Variants in CRTC1 observed in about 807,000 individuals in gnomAD.
CRTC1 encodes CREB-regulated transcription coactivator 1.
CRTC1 carries 18 observed loss-of-function variants against 66.1 expected under a neutral mutation model. That is an observed-to-expected ratio of 0.27 (90% CI 0.19 to 0.40). The LOEUF (loss-of-function observed/expected upper bound fraction) is 0.40, where lower values mean the gene tolerates loss of function less well. Ranked by LOEUF, CRTC1 falls within the 10% of genes least tolerant of loss-of-function variation. The pLI is 1.00. For synonymous variants in CRTC1, 416 were observed against 398.8 expected (o/e 1.04, Z -0.51); for missense variants, 669 against 887.9 (o/e 0.75, Z 3.13).
At chr19:18,697,010 T>C (rs1159078734) in intron 1 of CRTC1, among the ~76,000 whole-genome samples, 1 of 151,980 alleles carries the variant, frequency 6.6e-6, no homozygotes, top group Admixed American at 6.6e-5. Context: ...TTGGGGTATG[T>C]CTCTGACCTC....
chr19:18,775,019 T>G, intron 12 of CRTC1, 33 bp downstream of exon 12: 3 of 1,587,080 alleles, frequency 1.9e-6, no homozygotes, highest in African/African-American at 1.3e-5. Flanking sequence ...AGCCGGCCGG[T>G]GCCCAGGACA....
At position 18,683,833 on chromosome 19, in the gene CRTC1, G is replaced by A. The variant is rs1402696737; in HGVS notation, c.126+5G>A. ...AGCCTGACGCGGGCCGCGCGGGTAAGGGGGCTGCCCGCGCCGACCCTTCAG... is the reference window on the plus strand; with the variant it reads ...AGCCTGACGCGGGCCGCGCGGGTAAAGGGGCTGCCCGCGCCGACCCTTCAG... On this transcript the variant is annotated splice_donor_5th_base_variant and intron_variant, in intron 1 of 13. Transcript: ENST00000321949. The A allele has an allele frequency of 3.9e-6, 5 of 1,268,640 alleles. No homozygotes were observed. The highest frequency in any genetic ancestry group is 5.5e-5 in the Admixed American group (2 of 36,630). 78.6% of individuals were successfully genotyped at this position (1,268,640 alleles called of 1,614,324 possible). A position where few individuals can be genotyped will look rare whatever the true frequency, so the allele number is the denominator to read the frequency against.
intron 11 of CRTC1, among the ~76,000 whole-genome samples, chr19:18,773,535 C>G (rs2054917244): frequency 6.6e-6 from 1 of 152,162 alleles, no homozygotes; most frequent in South Asian, 2.1e-4. Flanking sequence ...ACCCCACACC[C>G]CGAGCCCCAG....
In CRTC1 at chr19:18,777,096, G is replaced by T; in HGVS notation, c.1694-75G>T. ...GGGGACAGAGTCGCCCGGCGGGCAT[G>T]CCTGGTCCGACACATGGATGCGAGC... On this transcript the variant is annotated intron_variant, in intron 13 of 13. Coordinates refer to ENST00000321949, the MANE Select transcript of CRTC1 (RefSeq NM_015321.3). The surrounding 1 kb of genome is among the most constrained non-coding windows in gnomAD (Gnocchi z 5.5). 1 of 844,378 alleles carries T rather than the reference G, an allele frequency of 1.2e-6. No homozygotes were observed. Among genetic ancestry groups the T allele is most frequent in the Non-Finnish European group, 2.0e-6 (1 of 507,514 alleles). 52.3% of individuals were successfully genotyped at this position (844,378 alleles called of 1,614,324 possible). A position where few individuals can be genotyped will look rare whatever the true frequency, so the allele number is the denominator to read the frequency against.
chr19:18,746,948 C>A, intron 3 of CRTC1, 105 bp from the exon 4 acceptor site: 1 of 1,067,576 alleles, frequency 9.4e-7, no homozygotes, highest in Non-Finnish European at 1.4e-6. Context: ...TTGCAGGCCT[C>A]AGGCCGACCC....
At chr19:18,715,526 C>T (rs935482267) in intron 1 of CRTC1, among the ~76,000 whole-genome samples, 2 of 152,196 alleles carry the variant, frequency 1.3e-5, no homozygotes, top group African/African-American at 4.8e-5. Flanking sequence ...TGCCAGGGGT[C>T]AGGACTTGGA....
intron 1 of CRTC1, among the ~76,000 whole-genome samples, chr19:18,713,521 G>A (rs970695987): frequency 1.8e-5 from 1 of 56,564 alleles, no homozygotes; most frequent in African/African-American, 1.0e-4. Flanking sequence ...TCTCTGCTGT[G>A]CCCCTTCTGT....
intron 5 of CRTC1, among the ~76,000 whole-genome samples, chr19:18,752,471 A>T (rs945258787): frequency 6.6e-6 from 1 of 151,976 alleles, no homozygotes; most frequent in African/African-American, 2.4e-5. Context: ...GGTGAGCACC[A>T]CCACACCCGG....
At chr19:18,740,133 A>G (rs1185521706) in intron 1 of CRTC1, among the ~76,000 whole-genome samples, 1 of 151,958 alleles carries the variant, frequency 6.6e-6, no homozygotes, top group African/African-American at 2.4e-5. Context: ...CATACCTGTA[A>G]TCCCAGCTAC....
At chr19:18,745,753 G>C in intron 2 of CRTC1, 70 bp from the exon 3 acceptor site, 1 of 1,597,486 alleles carries the variant, frequency 6.3e-7, no homozygotes, top group Non-Finnish European at 8.6e-7. Flanking sequence ...TCTGGGGCCA[G>C]CGCTGGGGCC....
chr19:18,709,220 C>G (rs1339859732), intron 1 of CRTC1, among the ~76,000 whole-genome samples: 1 of 152,134 alleles, frequency 6.6e-6, no homozygotes, highest in African/African-American at 2.4e-5. Flanking sequence ...AGGTGGTAGC[C>G]AAGGGGACAG....
chr19:18,749,590 A>G (rs1418763238), intron 4 of CRTC1, among the ~76,000 whole-genome samples, 191 bp from the exon 5 acceptor site: 1 of 152,238 alleles, frequency 6.6e-6, no homozygotes, highest in Non-Finnish European at 1.5e-5. Context: ...CGAGCTTTGC[A>G]GATGAACACC....
At chr19:18,774,829 G>C (rs891528056) in intron 11 of CRTC1, 71 bp from the exon 12 acceptor site, 6 of 1,454,122 alleles carry the variant, frequency 4.1e-6, no homozygotes, top group Non-Finnish European at 5.7e-6. Flanking sequence ...TCTTCCAGCC[G>C]GGCTTGGGAG....
rs762590383 is a variant in CRTC1, at chr19:18,759,966, C to CCACCAGCCCCGT, written c.666-41_666-40insACCAGCCCCGTC. 87 of 1,311,688 alleles carry CCACCAGCCCCGT rather than the reference C, an allele frequency of 6.6e-5. No homozygotes were observed. In the African/African-American group the frequency reaches 1.4e-3, roughly 21 times the overall value. 81.3% of individuals were successfully genotyped at this position (1,311,688 alleles called of 1,614,324 possible). ...CCCCCTGTCCCCGCCGCCAGCCCCG[C>CCACCAGCCCCGT]CCCATGAGCTCACCTCCTGCCTGCC... On this transcript the variant is annotated intron_variant, in intron 7 of 13. Transcript: ENST00000321949.
intron 1 of CRTC1, among the ~76,000 whole-genome samples, chr19:18,715,306 C>A (rs2053482416): frequency 6.6e-6 from 1 of 152,150 alleles, no homozygotes; most frequent in Admixed American, 6.5e-5. Flanking sequence ...CGGCTCACTG[C>A]AACCTCCACC....
At position 18,781,742 on chromosome 19, in the gene CRTC1, G is replaced by A. The variant is rs999320854; in HGVS notation, c.*4360G>A. On this transcript the variant is annotated 3_prime_UTR_variant, in exon 14 of 14. Transcript: ENST00000321949. ...CCTCCTGGGCAGGATGGGGGGCAGG[G>A]GCTGGGCCTTGGGGTGGTGCTGGCT... The A allele has an allele frequency of 1.3e-5, 3 of 230,786 alleles. No homozygotes were observed. Among genetic ancestry groups the A allele is most frequent in the Non-Finnish European group, 2.6e-5 (3 of 116,600 alleles). The allele number at this position is 230,786 out of a possible 1,614,324, so 14.3% of individuals were successfully genotyped here.
At chr19:18,702,983 C>T (rs1022497674) in intron 1 of CRTC1, among the ~76,000 whole-genome samples, 2 of 151,696 alleles carry the variant, frequency 1.3e-5, no homozygotes, top group Admixed American at 1.3e-4. Flanking sequence ...GTCTCGCTCT[C>T]GCTCTGTTGC....
At chr19:18,736,882 C>A (rs1408956556) in intron 1 of CRTC1, among the ~76,000 whole-genome samples, 4 of 152,176 alleles carry the variant, frequency 2.6e-5, no homozygotes, top group Non-Finnish European at 5.9e-5. Flanking sequence ...TGCTTCTGGG[C>A]CTGACCAAGG....
At position 18,780,078 on chromosome 19, in the gene CRTC1, G is replaced by A. The variant is rs1386606585; in HGVS notation, c.*2696G>A. 4.3e-6 allele frequency: 1 copy of A among 231,170 alleles called. No individual in the cohort carries two copies. The highest frequency in any genetic ancestry group is 8.6e-6 in the Non-Finnish European group (1 of 116,844). The allele number at this position is 231,170 out of a possible 1,614,324, so 14.3% of individuals were successfully genotyped here. A position where few individuals can be genotyped will look rare whatever the true frequency, so the allele number is the denominator to read the frequency against. On this transcript the variant is annotated 3_prime_UTR_variant, in exon 14 of 14. Coordinates refer to ENST00000321949, the MANE Select transcript of CRTC1 (RefSeq NM_015321.3). Reference sequence around the variant, plus strand: ...GACAGCTTAAGGGAATCAGCCTTTTGCTTTGTGATGTGAAAATACTGTGAT... The same window carrying A: ...GACAGCTTAAGGGAATCAGCCTTTTACTTTGTGATGTGAAAATACTGTGAT...
Sources: allele counts gnomAD v4.1 joint callset (sites outside exome capture counted in the v4.1 genomes callset), GRCh38; gene constraint gnomAD v4.1.1; non-coding constraint Gnocchi (gnomAD v3.1); transcripts MANE v1.5; gene names NCBI Gene and HGNC (gene_info 2026-07-23, HGNC 2026-07-21).